The following DGKI variants were observed in gnomAD, a reference collection of about 807,000 sequenced individuals.
DGKI encodes diacylglycerol kinase iota.
DGKI carries 55 observed loss-of-function variants against 147.5 expected under a neutral mutation model. That is an observed-to-expected ratio of 0.37 (90% CI 0.30 to 0.47). DGKI has a LOEUF of 0.47. DGKI is among the 20% of genes least tolerant of loss of function. The pLI is 1.00. For missense variants in DGKI, 1,007 were observed against 1,323.8 expected (o/e 0.76, Z 3.71); for synonymous variants, 469 against 477.1 (o/e 0.98, Z 0.22).
In DGKI at chr7:137,610,596, A is replaced by G. The variant is rs574868695; in HGVS notation, c.994-987T>C. 3.3e-5 allele frequency among the ~76,000 whole-genome samples: 5 copies of G among 152,332 alleles called. No homozygotes were observed. The South Asian group carries it at 1.0e-3, about 32-fold the overall frequency. ...CTGACCATATAATAGATGTTTAACA[A>G]AGTGTTGGCAGCAAGAAACACAGAA... is the stretch of plus-strand genomic sequence containing the variant. On this transcript the variant is annotated intron_variant, in intron 8 of 32. Coordinates refer to ENST00000614521, the MANE Select transcript of DGKI (RefSeq NM_001321708.2).
intron 28 of DGKI, among the ~76,000 whole-genome samples, chr7:137,429,158 C>G (rs1429967947): frequency 6.6e-6 from 1 of 152,212 alleles, no homozygotes; most frequent in Non-Finnish European, 1.5e-5. Flanking sequence ...AACTATACTA[C>G]AAGCCTACAG....
intron 22 of DGKI, among the ~76,000 whole-genome samples, chr7:137,486,149 A>G (rs937370808): frequency 7.2e-5 from 11 of 152,056 alleles, no homozygotes; most frequent in African/African-American, 2.7e-4. Context: ...GTTTCATCAC[A>G]TTACTTTCCA....
intron 28 of DGKI, among the ~76,000 whole-genome samples, chr7:137,424,386 TAAG>T (rs1195902994): frequency 6.6e-6 from 1 of 152,048 alleles, no homozygotes; most frequent in Non-Finnish European, 1.5e-5. Context: ...CATATATTCT[TAAG>T]AAAAAGAGAG....
chr7:137,769,785 G>A (rs1796128145), intron 1 of DGKI, among the ~76,000 whole-genome samples: 1 of 152,194 alleles, frequency 6.6e-6, no homozygotes, highest in Non-Finnish European at 1.5e-5. Context: ...ACTATCACAT[G>A]CCAGTCAGAA....
At chr7:137,706,675 C>T (rs1453499759) in intron 1 of DGKI, among the ~76,000 whole-genome samples, 3 of 151,510 alleles carry the variant, frequency 2.0e-5, no homozygotes, top group Admixed American at 6.6e-5. Flanking sequence ...CGGGTTCAAG[C>T]GATTCTTCTG....
intron 8 of DGKI, among the ~76,000 whole-genome samples, chr7:137,618,153 T>TATATATATATATATATATA (rs1563114668): frequency 2.1e-4 from 2 of 9,636 alleles, no homozygotes; most frequent in Admixed American, 1.8e-3. Context: ...ATATATATAT[T>TATATATATATATATATATA]TTTTTTTTTT....
At chr7:137,834,377 A>C (rs1585549985) in intron 1 of DGKI, among the ~76,000 whole-genome samples, 3 of 152,364 alleles carry the variant, frequency 2.0e-5, no homozygotes, top group East Asian at 3.9e-4. Context: ...ATGATGAAAC[A>C]TATATGAGAG....
intron 27 of DGKI, among the ~76,000 whole-genome samples, chr7:137,461,589 C>T (rs1377450016): frequency 2.6e-5 from 4 of 152,140 alleles, no homozygotes; most frequent in African/African-American, 9.7e-5. Context: ...TTTAACACAA[C>T]AATTTTATTA....
At chr7:137,768,067 A>T (rs1037072309) in intron 1 of DGKI, among the ~76,000 whole-genome samples, 2 of 152,186 alleles carry the variant, frequency 1.3e-5, no homozygotes, top group African/African-American at 4.8e-5. Context: ...TCTAACCAAG[A>T]ACTTTGATCT....
At chr7:137,776,513 C>T (rs781380415) in intron 1 of DGKI, among the ~76,000 whole-genome samples, 3 of 152,040 alleles carry the variant, frequency 2.0e-5, no homozygotes, top group Admixed American at 6.6e-5. Flanking sequence ...TGTGTTTATT[C>T]ATAGATGCTT....
intron 21 of DGKI, among the ~76,000 whole-genome samples, chr7:137,506,730 A>C (rs920906048): frequency 3.9e-5 from 6 of 152,158 alleles, no homozygotes; most frequent in Non-Finnish European, 8.8e-5. Context: ...GATATATGGA[A>C]TTCTCTGTAC....
intron 1 of DGKI, among the ~76,000 whole-genome samples, chr7:137,716,929 G>A (rs561340523): frequency 6.6e-6 from 1 of 152,230 alleles, no homozygotes; most frequent in African/African-American, 2.4e-5. Flanking sequence ...GACTCTTACA[G>A]AACTTGATAT....
chr7:137,507,810 T>C (rs1009561042), intron 21 of DGKI, among the ~76,000 whole-genome samples: 2 of 152,064 alleles, frequency 1.3e-5, no homozygotes, highest in Non-Finnish European at 2.9e-5. Flanking sequence ...GTGGCAGGAA[T>C]TGGATAGACA....
intron 17 of DGKI, among the ~76,000 whole-genome samples, chr7:137,574,779 G>T (rs1465121878): frequency 1.3e-5 from 2 of 152,050 alleles, no homozygotes; most frequent in Admixed American, 6.6e-5. Context: ...ATAACAAGAA[G>T]AAAATATGGA....
At chr7:137,722,282 A>G (rs1794585215) in intron 1 of DGKI, 1 of 1,610,712 alleles carries the variant, frequency 6.2e-7, no homozygotes, top group African/African-American at 1.3e-5. Flanking sequence ...GTTGGTGGTG[A>G]CAAGAACGGC....
intron 30 of DGKI, among the ~76,000 whole-genome samples, chr7:137,402,178 A>G (rs953132243): frequency 3.2e-4 from 49 of 152,220 alleles, no homozygotes; most frequent in African/African-American, 1.2e-3. Flanking sequence ...TTTTTTCCTC[A>G]AAAGTGCCTG....
chr7:137,533,865 T>C (rs1343022379), intron 20 of DGKI, among the ~76,000 whole-genome samples: 1 of 152,170 alleles, frequency 6.6e-6, no homozygotes, highest in African/African-American at 2.4e-5. Context: ...TTCAGTCAAA[T>C]ACCTGAGCTA....
intron 1 of DGKI, among the ~76,000 whole-genome samples, chr7:137,696,997 C>T (rs1326120279): frequency 1.3e-5 from 2 of 152,152 alleles, no homozygotes; most frequent in African/African-American, 2.4e-5. Flanking sequence ...AGCCAAGGAA[C>T]ACTGAAGATT....
Position 137,715,955 on chromosome 7 carries a change from G to A in DGKI, c.402-25953C>T, listed in dbSNP as rs534662233. On this transcript the variant is annotated intron_variant, in intron 1 of 32. Coordinates refer to ENST00000614521, the MANE Select transcript of DGKI (RefSeq NM_001321708.2). The stretch of plus-strand genomic sequence containing the variant: ...AGAGCGAAGCCCCAGGGCTGTGACG[G>A]TGAATGCCTTGTGCTGGTTACAAAA... Among the ~76,000 whole-genome samples the A allele has an allele frequency of 2.0e-5, 3 of 152,336 alleles. No individual in the cohort carries two copies. In the East Asian group the frequency reaches 5.8e-4, roughly 29 times the overall value.
Sources: allele counts gnomAD v4.1 joint callset (sites outside exome capture counted in the v4.1 genomes callset), GRCh38; gene constraint gnomAD v4.1.1; transcripts MANE v1.5; gene names NCBI Gene and HGNC (gene_info 2026-07-23, HGNC 2026-07-21).